MACROD2: variants seen among roughly 807,000 people sequenced by gnomAD.
The protein encoded by MACROD2 is mono-ADP ribosylhydrolase 2, also known as ADP-ribose glycohydrolase MACROD2.
MACROD2 carries 36 observed loss-of-function variants against 70.4 expected under a neutral mutation model. The observed-to-expected ratio is 0.51, with a 90% confidence interval of 0.39 to 0.68. MACROD2 has a LOEUF of 0.68. Ranked by LOEUF, MACROD2 falls within the 30% of genes least tolerant of loss-of-function variation. The pLI, the probability that MACROD2 is intolerant of heterozygous loss-of-function variation, is 0.00. For missense variants in MACROD2, 496 were observed against 538.4 expected, an observed-to-expected ratio of 0.92 and a Z score of 0.78; for synonymous variants, 172 against 178.8, an observed-to-expected ratio of 0.96 and a Z score of 0.30.
At chr20:14,827,608 G>A (rs910940166) in intron 5 of MACROD2, among the ~76,000 whole-genome samples, 2 of 151,506 alleles carry the variant, frequency 1.3e-5, no homozygotes, top group Admixed American at 6.6e-5. Flanking sequence ...TTTGATCTAG[G>A]TTTTGCACCC....
At chr20:15,123,988 A>G (rs2076048690) in intron 5 of MACROD2, among the ~76,000 whole-genome samples, 1 of 152,172 alleles carries the variant, frequency 6.6e-6, no homozygotes, top group South Asian at 2.1e-4. Flanking sequence ...TGAAACGTAA[A>G]AAAAAGATTT....
intron 5 of MACROD2, among the ~76,000 whole-genome samples, chr20:15,189,313 T>G (rs535058218): frequency 1.3e-5 from 2 of 151,720 alleles, no homozygotes; most frequent in South Asian, 4.2e-4. Context: ...TACTTATAAG[T>G]GTATGGGGGT....
chr20:14,788,445 G>A (rs1310742205), intron 5 of MACROD2, among the ~76,000 whole-genome samples: 1 of 151,710 alleles, frequency 6.6e-6, no homozygotes, highest in Non-Finnish European at 1.5e-5. Flanking sequence ...TATTAGCCAG[G>A]TGTGATGGTG....
intron 10 of MACROD2, among the ~76,000 whole-genome samples, chr20:15,932,404 A>G (rs987367209): frequency 1.3e-5 from 2 of 152,176 alleles, no homozygotes; most frequent in African/African-American, 4.8e-5. Flanking sequence ...AAGAGAAGGA[A>G]TGGGCTCCAC....
chr20:15,338,792 G>A (rs1490769138), intron 6 of MACROD2, among the ~76,000 whole-genome samples: 1 of 151,632 alleles, frequency 6.6e-6, no homozygotes, highest in Non-Finnish European at 1.5e-5. Context: ...CTGCCAAATG[G>A]TGCATTATAC....
At chr20:15,471,075 G>A (rs1444846299) in intron 7 of MACROD2, among the ~76,000 whole-genome samples, 2 of 152,088 alleles carry the variant, frequency 1.3e-5, no homozygotes, top group Non-Finnish European at 2.9e-5. Context: ...TCTCCTCTTT[G>A]TTTTTTGTCC....
chr20:15,462,802 C>T lies in MACROD2; in HGVS notation c.571+31367C>T, dbSNP rs1410038262. On this transcript the variant is annotated intron_variant, in intron 7 of 17. Transcript: ENST00000684519. Reference sequence around the variant, plus strand: ...GAGACTGATGTCTGCCTTGTGGGAACTATAATTGCCACTTGGACAAGTTTC... The same window carrying T: ...GAGACTGATGTCTGCCTTGTGGGAATTATAATTGCCACTTGGACAAGTTTC... Among the ~76,000 whole-genome samples the T allele has an allele frequency of 2.6e-5, 4 of 152,270 alleles. 1 individual carries two copies. The highest frequency in any genetic ancestry group is 6.8e-3 in the Middle Eastern group (2 of 294).
At chr20:14,848,309 C>G (rs1320558338) in intron 5 of MACROD2, among the ~76,000 whole-genome samples, 1 of 152,082 alleles carries the variant, frequency 6.6e-6, no homozygotes, top group Non-Finnish European at 1.5e-5. Context: ...GATATCATAG[C>G]CTATTTATAA....
intron 4 of MACROD2, among the ~76,000 whole-genome samples, chr20:14,641,873 C>T (rs998580972): frequency 1.3e-5 from 2 of 152,240 alleles, no homozygotes; most frequent in Non-Finnish European, 2.9e-5. Flanking sequence ...TTGGAATGCT[C>T]AGTGGGCACT....
In MACROD2 at chr20:15,805,947, C is replaced by T. The variant is rs79431608; in HGVS notation, c.646-56798C>T. Among the ~76,000 whole-genome samples, 1,060 of 152,268 alleles carry T rather than the reference C, an allele frequency of 7.0e-3. 9 individuals carry two copies. The highest frequency in any genetic ancestry group is 0.024 in the African/African-American group (997 of 41,542). Reference sequence around the variant, plus strand: ...TTGATCTATGTCTAATTTGTAGCCTCTGCTTACAGGGTAATATTTATTGGT... The same window carrying T: ...TTGATCTATGTCTAATTTGTAGCCTTTGCTTACAGGGTAATATTTATTGGT... On this transcript the variant is annotated intron_variant, in intron 8 of 17. Coordinates refer to ENST00000684519, the MANE Select transcript of MACROD2 (RefSeq NM_001351661.2).
chr20:15,105,658 A>G (rs573131175), intron 5 of MACROD2, among the ~76,000 whole-genome samples: 53 of 152,196 alleles, frequency 3.5e-4, no homozygotes, highest in African/African-American at 1.3e-3. Flanking sequence ...CTCTAAGATG[A>G]TAAATCATTC....
At chr20:15,206,721 G>GTTTTTTTTTTTTTT (rs56752104) in intron 5 of MACROD2, among the ~76,000 whole-genome samples, 439 of 33,004 alleles carry the variant, frequency 0.013, 144 homozygotes, top group Non-Finnish European at 0.016. Context: ...TATTATCTAT[G>GTTTTTTTTTTTTTT]TTTTTTTTTT....
At chr20:15,812,582 A>G (rs984478599) in intron 8 of MACROD2, among the ~76,000 whole-genome samples, 2 of 151,840 alleles carry the variant, frequency 1.3e-5, no homozygotes, top group African/African-American at 4.8e-5. Flanking sequence ...AAAAAAAAAT[A>G]CACTCGTCTC....
chr20:15,141,961 C>A (rs2076195239), intron 5 of MACROD2, among the ~76,000 whole-genome samples: 1 of 152,162 alleles, frequency 6.6e-6, no homozygotes, highest in Admixed American at 6.5e-5. Flanking sequence ...GTGTTCTCCG[C>A]TTCTTTAAGG....
intron 3 of MACROD2, among the ~76,000 whole-genome samples, chr20:14,359,354 G>A (rs1185721566): frequency 1.3e-5 from 2 of 152,102 alleles, no homozygotes; most frequent in African/African-American, 4.8e-5. Context: ...GAGAACTCAT[G>A]CACATTTTTG....
At chr20:14,299,833 A>G (rs1188188167) in intron 3 of MACROD2, among the ~76,000 whole-genome samples, 2 of 152,212 alleles carry the variant, frequency 1.3e-5, no homozygotes, top group African/African-American at 2.4e-5. Context: ...TTTCTTACAT[A>G]GTGAAGGACT....
intron 5 of MACROD2, among the ~76,000 whole-genome samples, chr20:14,812,025 C>A (rs1242284065): frequency 6.6e-5 from 10 of 152,060 alleles, no homozygotes; most frequent in Admixed American, 6.6e-4. Flanking sequence ...GTGGTGATTC[C>A]TCAAGGATCT....
At chr20:14,265,787 T>G (rs1332681351) in intron 3 of MACROD2, among the ~76,000 whole-genome samples, 1 of 150,358 alleles carries the variant, frequency 6.7e-6, no homozygotes, top group Non-Finnish European at 1.5e-5. Context: ...TTTTTTTTTT[T>G]TTTTTTTGAG....
intron 4 of MACROD2, among the ~76,000 whole-genome samples, chr20:14,611,683 C>T (rs1983179575): frequency 6.6e-6 from 1 of 151,962 alleles, no homozygotes; most frequent in African/African-American, 2.4e-5. Context: ...AGGATTCTGA[C>T]CCATAAAAGG....
Sources: allele counts gnomAD v4.1 joint callset (sites outside exome capture counted in the v4.1 genomes callset), GRCh38; gene constraint gnomAD v4.1.1; transcripts MANE v1.5; gene names NCBI Gene and HGNC (gene_info 2026-07-23, HGNC 2026-07-21).